DOCK2: variants seen among roughly 807,000 people sequenced by gnomAD.
The protein encoded by DOCK2 is dedicator of cytokinesis 2.
Under a neutral mutation model 248.9 loss-of-function variants are expected in DOCK2, and 87 were observed. The ratio of observed to expected loss-of-function variants is 0.35; its 90% CI spans 0.29 to 0.42. DOCK2 has a LOEUF of 0.42. Among genes scored for constraint, DOCK2 ranks in the 10% least tolerant of loss-of-function variants. DOCK2 has a pLI of 1.00. For missense variants in DOCK2, 1,747 were observed against 2,300.2 expected (o/e 0.76, Z 4.92); for synonymous variants, 805 against 821.6 (o/e 0.98, Z 0.35).
chr5:169,891,790 T>G lies in DOCK2; in HGVS notation c.2799+50938T>G, dbSNP rs575674916. 6.6e-5 allele frequency among the ~76,000 whole-genome samples: 10 copies of G among 151,988 alleles called. No individual in the cohort carries two copies. In the East Asian group the frequency reaches 1.9e-3, roughly 29 times the overall value. ...ACAAGGTCAGGAGTTCAAGACCAGC[T>G]TGGACCAGCTTGGGCAACATAGTGA... On this transcript the variant is annotated intron_variant, in intron 27 of 51. Transcript: ENST00000520908.
At chr5:170,005,129 A>G (rs1360197960) in intron 30 of DOCK2, among the ~76,000 whole-genome samples, 1 of 152,150 alleles carries the variant, frequency 6.6e-6, no homozygotes, top group Non-Finnish European at 1.5e-5. Context: ...TGAAAGCATT[A>G]CACTAAGTAT....
At chr5:170,031,438 A>G (rs186860006) in intron 34 of DOCK2, among the ~76,000 whole-genome samples, 5 of 152,358 alleles carry the variant, frequency 3.3e-5, no homozygotes, top group Admixed American at 3.3e-4. Context: ...GAGCAGAAGC[A>G]GTGTGGCAAG....
intron 27 of DOCK2, among the ~76,000 whole-genome samples, chr5:169,846,879 G>C (rs1244973315): frequency 6.6e-6 from 1 of 150,810 alleles, no homozygotes; most frequent in Admixed American, 6.6e-5. Flanking sequence ...AGTCTCCAAG[G>C]TCCATTACGT....
chr5:169,981,724 C>A (rs1481448525), intron 27 of DOCK2, among the ~76,000 whole-genome samples: 1 of 152,138 alleles, frequency 6.6e-6, no homozygotes, highest in Non-Finnish European at 1.5e-5. Context: ...CCTCCCCCAG[C>A]AAAATGATTC....
chr5:169,834,589 C>T (rs1298679356), intron 26 of DOCK2, among the ~76,000 whole-genome samples: 9 of 92,494 alleles, frequency 9.7e-5, no homozygotes. Context: ...GCCCTACTCA[C>T]ATGCTCAGTC....
intron 2 of DOCK2, among the ~76,000 whole-genome samples, chr5:169,655,262 G>A (rs930942936): frequency 6.6e-6 from 1 of 152,166 alleles, no homozygotes; most frequent in Non-Finnish European, 1.5e-5. Context: ...CCTCCTACCT[G>A]GGCCTGCTGA....
chr5:169,824,803 C>T (rs1768733710), intron 26 of DOCK2, among the ~76,000 whole-genome samples: 1 of 152,180 alleles, frequency 6.6e-6, no homozygotes, highest in African/African-American at 2.4e-5. Context: ...AGCTTCTGCA[C>T]AGCAAAAGAA....
intron 26 of DOCK2, among the ~76,000 whole-genome samples, chr5:169,806,290 C>T (rs546352624): frequency 7.5e-6 from 1 of 133,974 alleles, no homozygotes; most frequent in Admixed American, 8.2e-5. Context: ...TAGGTACCAG[C>T]CACCACACTT....
intron 1 of DOCK2, among the ~76,000 whole-genome samples, chr5:169,648,261 G>C (rs1757582521): frequency 6.6e-6 from 1 of 152,110 alleles, no homozygotes. Flanking sequence ...CTAGTCACTA[G>C]AGGCTAGTAG....
chr5:170,033,866 C>T (rs1159032182), intron 34 of DOCK2, among the ~76,000 whole-genome samples: 1 of 152,142 alleles, frequency 6.6e-6, no homozygotes. Flanking sequence ...TGAATCTCTC[C>T]AATATTTTTA....
chr5:169,735,940 AG>A (rs971982700), intron 22 of DOCK2, among the ~76,000 whole-genome samples: 1 of 149,676 alleles, frequency 6.7e-6, no homozygotes, highest in Non-Finnish European at 1.5e-5. Context: ...ATGGCAGAGC[AG>A]GGGGGAGAGG....
At chr5:169,793,112 G>T (rs1206145650) in intron 25 of DOCK2, among the ~76,000 whole-genome samples, 1 of 152,178 alleles carries the variant, frequency 6.6e-6, no homozygotes, top group Non-Finnish European at 1.5e-5. Context: ...TTACTTGCCA[G>T]TTGAGGCCAG....
intron 27 of DOCK2, among the ~76,000 whole-genome samples, chr5:169,940,432 C>T (rs1018566595): frequency 9.2e-5 from 14 of 152,190 alleles, no homozygotes; most frequent in South Asian, 2.1e-4. Context: ...TTCCACAGAC[C>T]GGGAGGAGGA....
Position 169,994,537 on chromosome 5 carries a change from G to C in DOCK2, c.2994-1549G>C, listed in dbSNP as rs17670861. Among the ~76,000 whole-genome samples the C allele has an allele frequency of 4.7e-3, 720 of 152,224 alleles. 39 individuals are homozygous for C. In the East Asian group the frequency reaches 0.11, roughly 24 times the overall value. ...AGAAATAACCTCAGAGAATGGGGGTGGTCTCAGTCACTTAAGGCTGGTGGG... is the reference window on the plus strand; with the variant it reads ...AGAAATAACCTCAGAGAATGGGGGTCGTCTCAGTCACTTAAGGCTGGTGGG... On this transcript the variant is annotated intron_variant, in intron 29 of 51. Transcript: ENST00000520908.
chr5:169,795,516 G>A (rs565643114), intron 25 of DOCK2, among the ~76,000 whole-genome samples: 34 of 152,314 alleles, frequency 2.2e-4, no homozygotes, highest in Non-Finnish European at 3.4e-4. Flanking sequence ...TGAAGAATGC[G>A]TTGGGGGAAA....
chr5:170,009,524 G>A (rs564226998), intron 32 of DOCK2, among the ~76,000 whole-genome samples: 1 of 152,288 alleles, frequency 6.6e-6, no homozygotes, highest in East Asian at 1.9e-4. Context: ...TGAAAGGATG[G>A]ATGGGTGGAT....
intron 27 of DOCK2, among the ~76,000 whole-genome samples, chr5:169,888,265 C>T (rs776619215): frequency 2.6e-5 from 4 of 152,182 alleles, no homozygotes; most frequent in Non-Finnish European, 5.9e-5. Context: ...GTCTTATGGG[C>T]TCCCAATTGT....
chr5:170,023,009 C>A (rs1451477739), intron 33 of DOCK2, among the ~76,000 whole-genome samples: 2 of 152,150 alleles, frequency 1.3e-5, no homozygotes, highest in Non-Finnish European at 2.9e-5. Context: ...CCCGAGTACA[C>A]CAGCTGTCTT....
chr5:169,647,111 T>G (rs1757509925), intron 1 of DOCK2, among the ~76,000 whole-genome samples: 1 of 152,256 alleles, frequency 6.6e-6, no homozygotes, highest in African/African-American at 2.4e-5. Context: ...TTACTAGAGC[T>G]GCCATCATCC....
Sources: allele counts gnomAD v4.1 joint callset (sites outside exome capture counted in the v4.1 genomes callset), GRCh38; gene constraint gnomAD v4.1.1; transcripts MANE v1.5; gene names NCBI Gene and HGNC (gene_info 2026-07-23, HGNC 2026-07-21).